The following NECTIN3 variants were observed in gnomAD, a reference collection of about 807,000 sequenced individuals.
The protein encoded by NECTIN3 is nectin cell adhesion molecule 3.
In NECTIN3, 8 loss-of-function variants were observed where a neutral mutation model predicts 49.4. The ratio of observed to expected loss-of-function variants is 0.16; its 90% CI spans 0.10 to 0.29. The LOEUF is 0.29. Among genes scored for constraint, NECTIN3 ranks in the 10% least tolerant of loss-of-function variants. NECTIN3 has a pLI of 1.00. For synonymous variants in NECTIN3, 277 were observed against 241.1 expected (o/e 1.15, Z -1.38); for missense variants, 581 against 654.6 (o/e 0.89, Z 1.23).
intron 4 of NECTIN3, among the ~76,000 whole-genome samples, chr3:111,125,504 AGTAATATG>A (rs2034129031): frequency 6.6e-6 from 1 of 152,184 alleles, no homozygotes; most frequent in Non-Finnish European, 1.5e-5. Flanking sequence ...CATGGTTTAG[AGTAATATG>A]GATACTAGGT....
intron 5 of NECTIN3, 47 bp downstream of exon 5, chr3:111,126,382 A>G (rs747299719): frequency 2.0e-6 from 3 of 1,471,868 alleles, no homozygotes; most frequent in Non-Finnish European, 2.8e-6. Flanking sequence ...AATATTTCTG[A>G]ATAATCATAG....
In NECTIN3 at chr3:111,072,393, C is replaced by T. The variant is rs371040752; in HGVS notation, c.160+216C>T. On this transcript the variant is annotated intron_variant, in intron 1 of 5. Transcript: ENST00000485303. ...CTGAGCCGGCGGCCCGCTGCCCTCC[C>T]CCGCGGCCGCGCGGGTCGCCGTGCG... is the stretch of plus-strand genomic sequence containing the variant. 5.8e-5 allele frequency: 88 copies of T among 1,512,546 alleles called. No homozygotes were observed. In the South Asian group the frequency reaches 8.9e-4, roughly 15 times the overall value. 93.7% of individuals were successfully genotyped at this position (1,512,546 alleles called of 1,614,324 possible).
At chr3:111,113,876 C>T (rs534597001) in intron 2 of NECTIN3, among the ~76,000 whole-genome samples, 2 of 151,992 alleles carry the variant, frequency 1.3e-5, no homozygotes, top group African/African-American at 2.4e-5. Flanking sequence ...CCCAGCTACT[C>T]GGGTGGCTGG....
chr3:111,173,895 A>G (rs2035477999), intron 7 of NECTIN3, among the ~76,000 whole-genome samples: 2 of 151,408 alleles, frequency 1.3e-5, no homozygotes, highest in African/African-American at 2.4e-5. Flanking sequence ...TTCACTCCCT[A>G]TTGTTGATAG....
rs1051417527 is a variant in NECTIN3 at position 111,161,038 on chromosome 3, G to T, written c.1221+13554G>T. ...AATGGATCGAGTTTAGGGAAGATAA[G>T]TTTTGGAAACAGAATTAGAGAATGA... On this transcript the variant is annotated intron_variant, in intron 7 of 8. Coordinates refer to the NECTIN3 transcript ENST00000493615. 4.6e-5 allele frequency among the ~76,000 whole-genome samples: 7 copies of T among 152,190 alleles called. No homozygotes were observed. In the East Asian group the frequency reaches 1.3e-3, roughly 29 times the overall value.
At chr3:111,122,002 C>T (rs2107470457) in intron 3 of NECTIN3, 119 bp from the exon 4 acceptor site, 1 of 675,376 alleles carries the variant, frequency 1.5e-6, no homozygotes, top group East Asian at 2.7e-5. Context: ...CATGTTGAGA[C>T]TAAGGAAAAA....
At chr3:111,154,816 A>AT (rs1347828334) in intron 7 of NECTIN3, among the ~76,000 whole-genome samples, 2 of 152,074 alleles carry the variant, frequency 1.3e-5, no homozygotes, top group Non-Finnish European at 2.9e-5. Flanking sequence ...CAGATTTTTC[A>AT]TTTTTTATTG....
intron 5 of NECTIN3, among the ~76,000 whole-genome samples, chr3:111,130,590 T>C (rs1435535905): frequency 6.6e-6 from 1 of 152,074 alleles, no homozygotes; most frequent in African/African-American, 2.4e-5. Flanking sequence ...ATATGTAAAA[T>C]AAATGCATCT....
rs1404503137 is a variant in NECTIN3 at position 111,130,633 on chromosome 3, A to G, written c.1070-3002A>G. The stretch of plus-strand genomic sequence containing the variant: ...AGAGATGAAAAGTTCTGCTCAGAAC[A>G]GAATAAGCAACTCTGAGGGAAATTG... On this transcript the variant is annotated intron_variant, in intron 5 of 5. Transcript: ENST00000485303. 3.3e-5 allele frequency among the ~76,000 whole-genome samples: 5 copies of G among 152,186 alleles called. No homozygotes were observed. The East Asian group carries it at 9.6e-4, about 29-fold the overall frequency.
At chr3:111,107,131 A>T (rs554273363) in intron 1 of NECTIN3, among the ~76,000 whole-genome samples, 40 of 151,858 alleles carry the variant, frequency 2.6e-4, no homozygotes, top group African/African-American at 4.6e-4. Flanking sequence ...ATTTTTTTTT[A>T]AAAAACCCAT....
intron 1 of NECTIN3, chr3:111,193,438 A>G (rs894547541): frequency 1.4e-6 from 2 of 1,465,296 alleles, no homozygotes; most frequent in African/African-American, 2.8e-5. Context: ...TGGGGAGAGA[A>G]GCTAAGGCCA....
chr3:111,171,505 T>C (rs1472590537), intron 7 of NECTIN3, among the ~76,000 whole-genome samples: 1 of 152,186 alleles, frequency 6.6e-6, no homozygotes, highest in Admixed American at 6.5e-5. Flanking sequence ...CCTTAGACTT[T>C]AGTAGTTATG....
chr3:111,135,137 C>G lies in NECTIN3; in HGVS notation c.*922C>G. On this transcript the variant is annotated 3_prime_UTR_variant, in exon 6 of 6. Transcript: ENST00000485303. ...AGAAATGAGACTTTCAGCCAACAAT[C>G]TATAGAAAGAATTTTATGGACCATC... 1.0e-6 allele frequency: 1 copy of G among 981,326 alleles called. No individual in the cohort carries two copies. The highest frequency in any genetic ancestry group is 1.1e-4 in the East Asian group (1 of 8,786). 60.8% of individuals were successfully genotyped at this position (981,326 alleles called of 1,614,324 possible).
At chr3:111,171,708 T>TAAA (rs5851758) in intron 7 of NECTIN3, among the ~76,000 whole-genome samples, 15 of 142,286 alleles carry the variant, frequency 1.1e-4, no homozygotes, top group Admixed American at 2.1e-4. Flanking sequence ...TGGGACCTCA[T>TAAA]AAAAAAAAAA....
intron 1 of NECTIN3, among the ~76,000 whole-genome samples, chr3:111,098,788 AT>A (rs2032736905): frequency 6.6e-6 from 1 of 151,762 alleles, no homozygotes; most frequent in African/African-American, 2.4e-5. Context: ...GACTTCCTGT[AT>A]TTTCAACCTG....
chr3:111,143,032 T>G (rs1179204673), intron 5 of NECTIN3, among the ~76,000 whole-genome samples: 2 of 151,860 alleles, frequency 1.3e-5, no homozygotes, highest in African/African-American at 4.8e-5. Context: ...CTTAATAGTT[T>G]CAACTGGCCT....
intron 5 of NECTIN3, among the ~76,000 whole-genome samples, chr3:111,128,799 T>G (rs2034270573): frequency 6.6e-6 from 1 of 152,214 alleles, no homozygotes; most frequent in African/African-American, 2.4e-5. Flanking sequence ...TAAGCCACTC[T>G]TATTTCACTA....
intron 7 of NECTIN3, among the ~76,000 whole-genome samples, chr3:111,148,642 C>G (rs1388548406): frequency 6.6e-6 from 1 of 151,874 alleles, no homozygotes; most frequent in East Asian, 1.9e-4. Flanking sequence ...TTTGTAGATT[C>G]CTGGATGAAG....
chr3:111,187,406 A>C (rs1247912768), upstream of NECTIN3, among the ~76,000 whole-genome samples: 1 of 152,146 alleles, frequency 6.6e-6, no homozygotes, highest in African/African-American at 2.4e-5. Context: ...CCATCTTTAC[A>C]TAAAAACAAC....
Sources: gnomAD v4.1 joint callset for allele counts (sites outside exome capture counted in the v4.1 genomes callset) on GRCh38, gnomAD v4.1.1 for gene constraint, MANE v1.5 for transcripts, NCBI Gene and HGNC (gene_info 2026-07-23, HGNC 2026-07-21) for gene names.